The following PAPSS1 variants were observed in gnomAD, a reference collection of about 807,000 sequenced individuals.
The protein encoded by PAPSS1 is bifunctional 3'-phosphoadenosine 5'-phosphosulfate synthase 1.
A neutral mutation model predicts 72.0 loss-of-function variants in PAPSS1; 50 were observed. That is an observed-to-expected ratio of 0.69 (90% CI 0.55 to 0.88). The LOEUF (loss-of-function observed/expected upper bound fraction) is 0.88. PAPSS1 is among the 40% of genes least tolerant of loss of function. The pLI, the probability that PAPSS1 is intolerant of heterozygous loss-of-function variation, is 0.00. For synonymous variants in PAPSS1, 261 were observed against 263.6 expected (o/e 0.99, Z 0.09); for missense variants, 657 against 782.2 (o/e 0.84, Z 1.91).
chr4:107,701,279 G>C lies in PAPSS1; in HGVS notation c.67C>G (p.Gln23Glu), dbSNP rs1445145044. 4.4e-6 allele frequency: 7 copies of C among 1,603,938 alleles called. No homozygotes were observed. In the Admixed American group the frequency reaches 1.0e-4, roughly 23 times the overall value. Residue 23 changes from glutamine (Q) to glutamate (E), a missense_variant, in exon 2 of 12, where the codon CAG becomes GAG. By Grantham distance (29) the Gln-to-Glu change is conservative. This residue lies in a region of PAPSS1 where 48 missense variants were observed against 31.9 expected (regional missense o/e 1.51). Coordinates refer to ENST00000265174, the MANE Select transcript of PAPSS1 (RefSeq NM_005443.5). ...TGGTAGGTGACATTGGTTGCTCTCTGCATTCCCTAGAAAAAAAAGAAAAAA... is the reference window on the plus strand; with the variant it reads ...TGGTAGGTGACATTGGTTGCTCTCTCCATTCCCTAGAAAAAAAAGAAAAAA... ...LSNNAQNWGM[Q>E]RATNVTYQAH...
At chr4:107,621,022 G>C (rs940161511) in intron 11 of PAPSS1, among the ~76,000 whole-genome samples, 1 of 152,290 alleles carries the variant, frequency 6.6e-6, no homozygotes, top group South Asian at 2.1e-4. Context: ...ATCATGGCCA[G>C]ATCTCAGTGG....
rs577691439 is a variant in PAPSS1, at chr4:107,632,555, CA to C, written c.1507-696del. ...TGTGAGTAAACGGCCATGCTGCATC[CA>C]AAACTAGCCTTGAAGCCTCTAGTTT... On this transcript the variant is annotated intron_variant, in intron 10 of 11. Transcript: ENST00000265174. Among the ~76,000 whole-genome samples the C allele has an allele frequency of 2.4e-4, 37 of 151,394 alleles. 1 individual carries two copies. The South Asian group carries it at 6.5e-3, about 27-fold the overall frequency.
chr4:107,699,316 T>C (rs1368203144), intron 2 of PAPSS1, among the ~76,000 whole-genome samples: 1 of 150,372 alleles, frequency 6.7e-6, no homozygotes, highest in African/African-American at 2.4e-5. Flanking sequence ...ACATTGCTGA[T>C]GAAGAACAAG....
chr4:107,717,776 T>C (rs1180403279), intron 1 of PAPSS1, among the ~76,000 whole-genome samples: 3 of 152,144 alleles, frequency 2.0e-5, no homozygotes, highest in Non-Finnish European at 2.9e-5. Context: ...TAACAACCTT[T>C]CTCCCCACTT....
chr4:107,625,721 GA>G (rs1040025898), intron 11 of PAPSS1, among the ~76,000 whole-genome samples: 11 of 152,120 alleles, frequency 7.2e-5, no homozygotes, highest in African/African-American at 2.2e-4. Context: ...ACGCAACAAC[GA>G]AAAACTAATA....
chr4:107,720,175 T>G lies in PAPSS1; in HGVS notation c.5A>C (p.Glu2Ala). Residue 2 changes from glutamate to alanine, a missense_variant, in exon 1 of 12, where the codon GAG becomes GCG. By Grantham distance (107) the Glu-to-Ala change is moderately radical (BLOSUM62 -1). Coordinates refer to ENST00000265174, the MANE Select transcript of PAPSS1 (RefSeq NM_005443.5). M[E>A]IPGSLCKKVK... is the part of the protein sequence containing the mutation. ...TTTCTTGCACAGGCTCCCGGGGATCTCCATGACCGCGGAGCGCGCTGAGCA... is the reference window on the plus strand; with the variant it reads ...TTTCTTGCACAGGCTCCCGGGGATCGCCATGACCGCGGAGCGCGCTGAGCA... The G allele has an allele frequency of 6.2e-7, 1 of 1,602,652 alleles. No individual in the cohort carries two copies. The highest frequency in any genetic ancestry group is 8.5e-7 in the Non-Finnish European group (1 of 1,175,394).
chr4:107,656,840 C>T, intron 7 of PAPSS1, 56 bp downstream of exon 7: 1 of 1,206,342 alleles, frequency 8.3e-7, no homozygotes, highest in Non-Finnish European at 1.2e-6. Flanking sequence ...CAAATCTCTG[C>T]AACTATGTAA....
intron 9 of PAPSS1, among the ~76,000 whole-genome samples, chr4:107,648,070 T>A (rs1560571607): frequency 6.6e-6 from 1 of 152,220 alleles, no homozygotes; most frequent in Non-Finnish European, 1.5e-5. Context: ...CTGTACTGCA[T>A]GTCTATGTGA....
At chr4:107,630,873 C>A (rs149725135) in intron 11 of PAPSS1, among the ~76,000 whole-genome samples, 2 of 152,132 alleles carry the variant, frequency 1.3e-5, no homozygotes, top group African/African-American at 2.4e-5. Flanking sequence ...GTGGAAAATA[C>A]AAGTTGAGCA....
intron 10 of PAPSS1, among the ~76,000 whole-genome samples, chr4:107,633,867 T>G (rs1265418849): frequency 7.4e-6 from 1 of 134,698 alleles, no homozygotes; most frequent in Non-Finnish European, 1.5e-5. Flanking sequence ...TGCAGTGAGC[T>G]GAGATAGCAC....
chr4:107,635,594 G>A (rs987408510), intron 10 of PAPSS1, among the ~76,000 whole-genome samples: 8 of 151,988 alleles, frequency 5.3e-5, no homozygotes, highest in African/African-American at 1.9e-4. Flanking sequence ...CCTACAAACT[G>A]TTTTTATGAT....
chr4:107,674,247 TAA>T (rs1199058255), intron 5 of PAPSS1, among the ~76,000 whole-genome samples: 1 of 152,038 alleles, frequency 6.6e-6, no homozygotes, highest in African/African-American at 2.4e-5. Context: ...GCAAATTGGA[TAA>T]AGAGTCAAGA....
intron 11 of PAPSS1, among the ~76,000 whole-genome samples, chr4:107,620,445 T>C (rs72883515): frequency 0.044 from 6,658 of 152,336 alleles, 464 homozygotes; most frequent in African/African-American, 0.15. Context: ...CAAAGACCAA[T>C]TGAAAGACAT....
chr4:107,643,612 C>T (rs1726615110), intron 10 of PAPSS1, among the ~76,000 whole-genome samples: 2 of 152,102 alleles, frequency 1.3e-5, no homozygotes, highest in Admixed American at 1.3e-4. Flanking sequence ...CAATCTTAAA[C>T]ACAAGCTAAC....
chr4:107,666,764 C>A (rs758649413), intron 5 of PAPSS1, among the ~76,000 whole-genome samples: 3 of 152,198 alleles, frequency 2.0e-5, no homozygotes, highest in Non-Finnish European at 2.9e-5. Flanking sequence ...ACTCTACTTA[C>A]CACTATTTTT....
intron 3 of PAPSS1, among the ~76,000 whole-genome samples, chr4:107,692,212 G>A (rs560026807): frequency 6.6e-6 from 1 of 152,180 alleles, no homozygotes; most frequent in East Asian, 1.9e-4. Context: ...TTAAACTAAA[G>A]AGCTTCTGCA....
intron 3 of PAPSS1, among the ~76,000 whole-genome samples, chr4:107,691,366 TAA>T (rs1430152152): frequency 6.6e-6 from 1 of 152,150 alleles, no homozygotes. Flanking sequence ...TGCAGGAGGT[TAA>T]GTGTGCTGGA....
At chr4:107,663,006 A>T (rs138791205) in intron 5 of PAPSS1, among the ~76,000 whole-genome samples, 1 of 152,358 alleles carries the variant, frequency 6.6e-6, no homozygotes, top group East Asian at 1.9e-4. Flanking sequence ...CTTGAGGCAT[A>T]CAGATTCTTT....
intron 1 of PAPSS1, among the ~76,000 whole-genome samples, chr4:107,706,061 C>T (rs1027325248): frequency 1.3e-5 from 2 of 152,138 alleles, no homozygotes; most frequent in African/African-American, 4.8e-5. Flanking sequence ...ATGTGATTTG[C>T]TTTTCTCTAG....
Sources: allele counts gnomAD v4.1 joint callset (sites outside exome capture counted in the v4.1 genomes callset), GRCh38; gene constraint gnomAD v4.1.1; regional missense constraint gnomAD v4.1.1; transcripts MANE v1.5; gene names NCBI Gene and HGNC (gene_info 2026-07-23, HGNC 2026-07-21).